Variants in LIX1 observed in about 807,000 individuals in gnomAD.
LIX1 encodes limb and CNS expressed 1, also known as protein limb expression 1 homolog.
In LIX1, 24 loss-of-function variants were observed where a neutral mutation model predicts 33.4. The ratio of observed to expected loss-of-function variants is 0.72; its 90% confidence interval spans 0.52 to 1.01. The LOEUF (loss-of-function observed/expected upper bound fraction) is 1.01. Among genes scored for constraint, LIX1 ranks in the 50% least tolerant of loss-of-function variants. The probability of loss-of-function intolerance (pLI) is 0.00; values close to 1 mark genes in which losing one functional copy is unlikely to be tolerated. For missense variants in LIX1, 311 were observed against 339.2 expected (o/e 0.92, Z 0.65); for synonymous variants, 124 against 124.0 (o/e 1.00, Z 0.00).
At position 97,092,139 on chromosome 5, in the gene LIX1, C is replaced by G. The variant is rs1315613491; in HGVS notation, c.*2609G>C. 1.3e-5 allele frequency: 2 copies of G among 152,014 alleles called. No homozygotes were observed. The highest frequency in any genetic ancestry group is 2.9e-5 in the Non-Finnish European group (2 of 67,858). The allele number at this position is 152,014 out of a possible 1,614,324, so 9.4% of individuals were successfully genotyped here. On this transcript the variant is annotated 3_prime_UTR_variant, in exon 6 of 6. Transcript: ENST00000274382. Reference sequence around the variant, plus strand: ...CAGTGTATGTTGTGTTCAAAATCAACAGTTCTAAACAAGAATCTAAAGATC... The same window carrying G: ...CAGTGTATGTTGTGTTCAAAATCAAGAGTTCTAAACAAGAATCTAAAGATC...
intron 2 of LIX1, among the ~76,000 whole-genome samples, chr5:97,117,173 C>T (rs1054884302): frequency 7.2e-5 from 11 of 152,138 alleles, no homozygotes; most frequent in African/African-American, 2.7e-4. Context: ...GTCTTTGAGT[C>T]TCATTAGTTA....
At chr5:97,133,474 T>C (rs180815667) in intron 1 of LIX1, among the ~76,000 whole-genome samples, 32 of 152,340 alleles carry the variant, frequency 2.1e-4, no homozygotes, top group Admixed American at 9.2e-4. Context: ...AGAGAGGGCA[T>C]GAATATATGT....
chr5:97,132,016 A>G (rs1326430541), intron 1 of LIX1, among the ~76,000 whole-genome samples: 3 of 152,234 alleles, frequency 2.0e-5, no homozygotes, highest in African/African-American at 7.2e-5. Flanking sequence ...ACTCCTGAAC[A>G]GGGATAATAA....
rs200283867 is a variant in LIX1, at chr5:97,096,850, C to T, written c.521G>A (p.Gly174Glu). Residue 174 changes from glycine to glutamate, a missense_variant, in exon 5 of 6, where the codon GGA becomes GAA. Gly to Glu is a moderately conservative substitution (Grantham distance 98). Coordinates refer to ENST00000274382, the MANE Select transcript of LIX1 (RefSeq NM_153234.5). The part of the protein sequence containing the change: ...MTIFQLLHWN[G>E]SLKALRETKC... ...TGTTTCACGAAGGGCTTTTAGGCTTCCATTCCAGTGCAATAGTTGGAAAAT... is the reference window on the plus strand; with the variant it reads ...TGTTTCACGAAGGGCTTTTAGGCTTTCATTCCAGTGCAATAGTTGGAAAAT... 434 of 1,614,030 alleles carry T rather than the reference C, an allele frequency of 2.7e-4. No individual in the cohort carries two copies. The highest frequency in any genetic ancestry group is 4.9e-4 in the Middle Eastern group (3 of 6,062).
Position 97,105,179 on chromosome 5 carries a change from C to A in LIX1, c.483+11G>T, listed in dbSNP as rs370066844. ...GATAATCAAACAAATATGTGGCAGG[C>A]AGGCAGGTACCTGAAACTCCAGCAT... is the stretch of plus-strand genomic sequence containing the variant. On this transcript the variant is annotated intron_variant, in intron 4 of 5. Coordinates refer to ENST00000274382, the MANE Select transcript of LIX1 (RefSeq NM_153234.5). 8 of 1,610,288 alleles carry A rather than the reference C, an allele frequency of 5.0e-6. No individual in the cohort carries two copies. The African/African-American group carries it at 1.1e-4, about 22-fold the overall frequency.
At chr5:97,140,570 C>T (rs576162257) in intron 1 of LIX1, among the ~76,000 whole-genome samples, 6 of 152,290 alleles carry the variant, frequency 3.9e-5, no homozygotes, top group Admixed American at 2.6e-4. Flanking sequence ...CAAACTCTGG[C>T]GTGTGCAGCA....
chr5:97,095,099 C>G, intron 5 of LIX1, 64 bp from the exon 6 acceptor site: 1 of 1,435,660 alleles, frequency 7.0e-7, no homozygotes, highest in Non-Finnish European at 9.6e-7. Flanking sequence ...CGTCCACATG[C>G]CTCCCCCTGC....
At position 97,094,646 on chromosome 5, in the gene LIX1, G is replaced by A. The variant is rs1453845118; in HGVS notation, c.*102C>T. ...GTGGAGAGGGTTAGGAGAGCCTTCA[G>A]GTAGTACTAGAGATGCTGGAGCCTC... On this transcript the variant is annotated 3_prime_UTR_variant, in exon 6 of 6. Transcript: ENST00000274382. 5.6e-6 allele frequency: 6 copies of A among 1,079,070 alleles called. No homozygotes were observed. In the African/African-American group the frequency reaches 9.5e-5, roughly 17 times the overall value. The allele number at this position is 1,079,070 out of a possible 1,614,324, so 66.8% of individuals were successfully genotyped here.
chr5:97,111,029 C>T (rs1370198833), intron 2 of LIX1, among the ~76,000 whole-genome samples: 1 of 152,084 alleles, frequency 6.6e-6, no homozygotes, highest in Non-Finnish European at 1.5e-5. Context: ...AGCTTGAGTG[C>T]CATCTCTTTT....
chr5:97,097,530 G>T lies in LIX1; in HGVS notation c.484-643C>A, dbSNP rs531396064. ...GATACAAAAGGATCTGGTAACTTTA[G>T]CTGTCTCTGGAATGCCAGAGGAATG... On this transcript the variant is annotated intron_variant, in intron 4 of 5. Coordinates refer to ENST00000274382, the MANE Select transcript of LIX1 (RefSeq NM_153234.5). 9.8e-5 allele frequency among the ~76,000 whole-genome samples: 15 copies of T among 152,332 alleles called. No homozygotes were observed. In the South Asian group the frequency reaches 2.7e-3, roughly 27 times the overall value.
At chr5:97,108,587 GC>G (rs1747197143) in intron 2 of LIX1, among the ~76,000 whole-genome samples, 1 of 152,172 alleles carries the variant, frequency 6.6e-6, no homozygotes, top group Non-Finnish European at 1.5e-5. Flanking sequence ...CTTTTGGAGA[GC>G]CCAGGAGTTG....
At chr5:97,111,816 C>T (rs1041662498) in intron 2 of LIX1, among the ~76,000 whole-genome samples, 3 of 152,088 alleles carry the variant, frequency 2.0e-5, no homozygotes, top group Admixed American at 6.5e-5. Flanking sequence ...TGGCACTGCT[C>T]GGGAGATCAA....
chr5:97,125,883 C>A (rs924162176), intron 1 of LIX1, among the ~76,000 whole-genome samples: 2 of 152,068 alleles, frequency 1.3e-5, no homozygotes, highest in Non-Finnish European at 2.9e-5. Context: ...TTTCTGGAGC[C>A]GTAGGAGGTA....
Position 97,136,341 on chromosome 5 carries a change from AGATAAAT to A in LIX1, c.82+6147_82+6153del, listed in dbSNP as rs200222279. Reference sequence around the variant, plus strand: ...ATTAGCCTGTGATAATGGAGTCAGAAGATAAATGGCTTAAAAGGGTCTTGGCACAGTT... The same window carrying A: ...ATTAGCCTGTGATAATGGAGTCAGAAGGCTTAAAAGGGTCTTGGCACAGTT... On this transcript the variant is annotated intron_variant, in intron 1 of 5. Coordinates refer to ENST00000274382, the MANE Select transcript of LIX1 (RefSeq NM_153234.5). Among the ~76,000 whole-genome samples, 792 of 152,344 alleles carry A rather than the reference AGATAAAT, an allele frequency of 5.2e-3. 6 individuals carry two copies. The highest frequency in any genetic ancestry group is 0.018 in the African/African-American group (737 of 41,580).
chr5:97,123,276 T>A (rs1236485343), intron 2 of LIX1, among the ~76,000 whole-genome samples: 1 of 152,192 alleles, frequency 6.6e-6, no homozygotes, highest in African/African-American at 2.4e-5. Flanking sequence ...CTTACTTTTT[T>A]TTTGGATAGG....
intron 2 of LIX1, among the ~76,000 whole-genome samples, chr5:97,118,084 G>T (rs2112781959): frequency 6.6e-6 from 1 of 152,296 alleles, no homozygotes; most frequent in African/African-American, 2.4e-5. Context: ...AAATACTTAT[G>T]TGAAAAAGAT....
chr5:97,094,540 G>C lies in LIX1; in HGVS notation c.*208C>G. The stretch of plus-strand genomic sequence containing the variant: ...TTTCATCCTGAGCTGGAACTATTGA[G>C]AATGTGATAGAAAAATGCATCGAGT... On this transcript the variant is annotated 3_prime_UTR_variant, in exon 6 of 6. Coordinates refer to ENST00000274382, the MANE Select transcript of LIX1 (RefSeq NM_153234.5). 1.8e-6 allele frequency: 1 copy of C among 555,506 alleles called. No homozygotes were observed. The allele number at this position is 555,506 out of a possible 1,614,324, so 34.4% of individuals were successfully genotyped here. A position where few individuals can be genotyped will look rare whatever the true frequency, so the allele number is the denominator to read the frequency against.
intron 1 of LIX1, among the ~76,000 whole-genome samples, chr5:97,130,224 G>C (rs1748025768): frequency 6.6e-6 from 1 of 152,154 alleles, no homozygotes; most frequent in Non-Finnish European, 1.5e-5. Context: ...GAGGGGCTTG[G>C]TTTCCCCCGT....
At chr5:97,115,003 G>T (rs964334624) in intron 2 of LIX1, among the ~76,000 whole-genome samples, 1 of 152,276 alleles carries the variant, frequency 6.6e-6, no homozygotes, top group African/African-American at 2.4e-5. Flanking sequence ...AGTCCTTTAT[G>T]ATAGTTCTTC....
Sources: allele counts gnomAD v4.1 joint callset (sites outside exome capture counted in the v4.1 genomes callset), GRCh38; gene constraint gnomAD v4.1.1; transcripts MANE v1.5; gene names NCBI Gene and HGNC (gene_info 2026-07-23, HGNC 2026-07-21).